ERICH6B: variants seen among roughly 807,000 people sequenced by gnomAD.
ERICH6B encodes glutamate-rich protein 6B.
In ERICH6B, 69 loss-of-function variants were observed where a neutral mutation model predicts 80.0. That is an observed-to-expected ratio of 0.86 (90% CI 0.71 to 1.05). The LOEUF is 1.05. ERICH6B is among the 50% of genes least tolerant of loss of function. The probability of loss-of-function intolerance (pLI) is 0.00; values close to 1 mark genes in which losing one functional copy is unlikely to be tolerated. For missense variants in ERICH6B, 754 were observed against 796.1 expected, an observed-to-expected ratio of 0.95 and a Z score of 0.64; for synonymous variants, 283 against 291.9, an observed-to-expected ratio of 0.97 and a Z score of 0.31.
In ERICH6B at chr13:45,590,742, CT is replaced by C. The variant is rs1166778036; in HGVS notation, c.638-46del. 9.3e-6 allele frequency: 14 copies of C among 1,501,144 alleles called. 1 individual carries two copies. Among genetic ancestry groups the C allele is most frequent in the Non-Finnish European group, 1.1e-5 (12 of 1,106,524 alleles). 93.0% of individuals were successfully genotyped at this position (1,501,144 alleles called of 1,614,324 possible). A position where few individuals can be genotyped will look rare whatever the true frequency, so the allele number is the denominator to read the frequency against. ...AAAAGCAATATTGGCAAAAAAGCAT[CT>C]TTCTTTCTATTTAAAAATACGTTGT... is the stretch of plus-strand genomic sequence containing the variant. On this transcript the variant is annotated intron_variant, in intron 3 of 14. Coordinates refer to ENST00000298738, the MANE Select transcript of ERICH6B (RefSeq NM_182542.3).
At chr13:45,584,168 A>C (rs1875796948) in intron 5 of ERICH6B, among the ~76,000 whole-genome samples, 1 of 152,228 alleles carries the variant, frequency 6.6e-6, no homozygotes, top group Admixed American at 6.5e-5. Context: ...TTCTGTGAGC[A>C]TGGATGTAAT....
In ERICH6B at chr13:45,541,343, G is replaced by T; in HGVS notation, c.*119C>A. 1.2e-6 allele frequency: 1 copy of T among 840,334 alleles called. No homozygotes were observed. The highest frequency in any genetic ancestry group is 1.8e-6 in the Non-Finnish European group (1 of 540,888). The allele number at this position is 840,334 out of a possible 1,614,324, so 52.1% of individuals were successfully genotyped here. A position where few individuals can be genotyped will look rare whatever the true frequency, so the allele number is the denominator to read the frequency against. On this transcript the variant is annotated 3_prime_UTR_variant, in exon 15 of 15. Transcript: ENST00000298738. ...ACTTCAAATCAAGGAGCCACGACAG[G>T]TCCCAAATTACAAACCAACTCTCAT...
chr13:45,606,528 TATATATATATATATA>T (rs1566307777), intron 2 of ERICH6B, among the ~76,000 whole-genome samples: 6 of 35,462 alleles, frequency 1.7e-4, no homozygotes, highest in African/African-American at 5.0e-4. Context: ...TATATATATA[TATATATATATATATA>T]TATATTTTTT....
At chr13:45,557,245 G>C (rs1159947815) in intron 11 of ERICH6B, among the ~76,000 whole-genome samples, 2 of 151,994 alleles carry the variant, frequency 1.3e-5, no homozygotes, top group Non-Finnish European at 2.9e-5. Context: ...TTTGAGAATT[G>C]TCTATTCATG....
At position 45,574,855 on chromosome 13, in the gene ERICH6B, T is replaced by C. The variant is rs1486256500; in HGVS notation, c.1037A>G (p.Asp346Gly). 6.5e-7 allele frequency: 1 copy of C among 1,549,358 alleles called. No homozygotes were observed. The highest frequency in any genetic ancestry group is 1.2e-5 in the South Asian group (1 of 83,986). The change falls in exon 8 of 15, where the codon GAT becomes GGT. Residue 346 changes from aspartate to glycine, a missense_variant. By Grantham distance (94) the Asp-to-Gly change is moderately conservative (BLOSUM62 -1). Coordinates refer to ENST00000298738, the MANE Select transcript of ERICH6B (RefSeq NM_182542.3). ...DESIDKLEVE[D>G]LDENFLNSSY... ...TATCCAACTTACGTTTTCATCTAAA[T>C]CTTCCACTTCCAGCTTGTCAATGGA...
intron 2 of ERICH6B, among the ~76,000 whole-genome samples, chr13:45,601,053 G>T (rs966520394): frequency 4.5e-4 from 68 of 152,288 alleles, no homozygotes; most frequent in African/African-American, 1.6e-3. Flanking sequence ...GGTTTAGCCT[G>T]AATCTCCCTT....
intron 11 of ERICH6B, among the ~76,000 whole-genome samples, chr13:45,560,100 T>C (rs1367675090): frequency 6.6e-6 from 1 of 152,226 alleles, no homozygotes; most frequent in Non-Finnish European, 1.5e-5. Context: ...ATTTTCCTGT[T>C]GGACAAGGCC....
intron 2 of ERICH6B, among the ~76,000 whole-genome samples, chr13:45,606,505 G>GTGTATATATATATATATATATA: frequency 3.5e-5 from 1 of 28,694 alleles, no homozygotes; most frequent in South Asian, 1.3e-3. Flanking sequence ...AAGTGTATGT[G>GTGTATATATATATATATATATA]TATATATATA....
At chr13:45,549,813 T>C in intron 13 of ERICH6B, 80 bp downstream of exon 13, 6 of 1,432,896 alleles carry the variant, frequency 4.2e-6, no homozygotes, top group Non-Finnish European at 5.6e-6. Flanking sequence ...AGGGAGGAAG[T>C]TCATACAGTC....
chr13:45,542,554 C>T (rs1017421611), intron 14 of ERICH6B, among the ~76,000 whole-genome samples: 1 of 152,220 alleles, frequency 6.6e-6, no homozygotes, highest in Non-Finnish European at 1.5e-5. Context: ...AGGCGTCAGG[C>T]CCCCTGGTCT....
In ERICH6B at chr13:45,550,289, G is replaced by T. The variant is rs368932818; in HGVS notation, c.1435C>A (p.Leu479Ile). ...TGATAGACATTCTTGTTGGGGTAGA[G>T]AATTAATTTTCCATCACCTTGATGC... ...VVHQGDGKLILYPNKNVYQIL... is the reference protein window; with the variant it reads ...VVHQGDGKLIIYPNKNVYQIL... Residue 479 changes from leucine (L) to isoleucine (I), a missense_variant, in exon 12 of 15, where the codon CTC (leucine) becomes ATC (isoleucine). Transcript: ENST00000298738. 38 of 1,551,478 alleles carry T rather than the reference G, an allele frequency of 2.4e-5. 1 individual carries two copies. Among genetic ancestry groups the T allele is most frequent in the African/African-American group, 2.1e-4 (15 of 73,046 alleles).
chr13:45,580,377 C>T (rs973360458), intron 6 of ERICH6B, among the ~76,000 whole-genome samples: 2 of 152,204 alleles, frequency 1.3e-5, no homozygotes, highest in Non-Finnish European at 2.9e-5. Context: ...TTTCAAAATG[C>T]CAGCGCACTT....
At chr13:45,558,047 G>A (rs991646858) in intron 11 of ERICH6B, among the ~76,000 whole-genome samples, 1 of 151,862 alleles carries the variant, frequency 6.6e-6, no homozygotes, top group South Asian at 2.1e-4. Context: ...TCACAATATT[G>A]ATTCTACCCA....
At chr13:45,565,705 C>G (rs1329104081) in intron 9 of ERICH6B, among the ~76,000 whole-genome samples, 1 of 152,220 alleles carries the variant, frequency 6.6e-6, no homozygotes, top group African/African-American at 2.4e-5. Context: ...TGAGGCCTCC[C>G]CAGCCATGTG....
At chr13:45,610,483 G>A (rs1035480949) in intron 1 of ERICH6B, among the ~76,000 whole-genome samples, 7 of 152,124 alleles carry the variant, frequency 4.6e-5, no homozygotes, top group South Asian at 2.1e-4. Flanking sequence ...CCAGCCTCAC[G>A]TCAATTAGAC....
intron 4 of ERICH6B, 103 bp from the exon 5 acceptor site, chr13:45,587,335 A>G (rs1875954806): frequency 2.1e-6 from 2 of 956,654 alleles, no homozygotes; most frequent in Admixed American, 2.6e-5. Context: ...TGATGTCCAG[A>G]CCCAGATGAT....
intron 2 of ERICH6B, among the ~76,000 whole-genome samples, chr13:45,605,181 G>A (rs900352997): frequency 2.6e-5 from 4 of 152,126 alleles, no homozygotes; most frequent in Non-Finnish European, 5.9e-5. Flanking sequence ...CTCTAAGGGT[G>A]GTCAGAGAGG....
Position 45,561,459 on chromosome 13 carries a change from A to T in ERICH6B, c.1317T>A (p.Pro439=), listed in dbSNP as rs748559621. Residue 439 remains proline (P), a synonymous_variant, in exon 11 of 15, where the codon CCT becomes CCA. Transcript: ENST00000298738. ...HLMSKPTPEK[P]ETEEIQKPQR... ...GAGGCTTTTGGATTTCTTCTGTCTC[A>T]GGCTTCTCAGGTGTTGGTTTGCTCA... 3.2e-6 allele frequency: 5 copies of T among 1,552,150 alleles called. No homozygotes were observed. The South Asian group carries it at 4.8e-5, about 15-fold the overall frequency.
intron 7 of ERICH6B, among the ~76,000 whole-genome samples, chr13:45,576,525 T>C (rs1875411131): frequency 6.6e-6 from 1 of 152,136 alleles, no homozygotes; most frequent in African/African-American, 2.4e-5. Flanking sequence ...GGGAAGCTCC[T>C]TGTGGGTGGC....
Sources: gnomAD v4.1 joint callset for allele counts (sites outside exome capture counted in the v4.1 genomes callset) on GRCh38, gnomAD v4.1.1 for gene constraint, MANE v1.5 for transcripts, NCBI Gene and HGNC (gene_info 2026-07-23, HGNC 2026-07-21) for gene names.